The following TUBB8B variants were observed in gnomAD, a reference collection of about 807,000 sequenced individuals.
TUBB8B encodes the protein tubulin beta 8B, also known as HSA18p11 beta-tubulin 4Q pseudogene.
A neutral mutation model predicts 31.9 loss-of-function variants in TUBB8B; 26 were observed. The observed-to-expected ratio is 0.81, with a 90% CI of 0.60 to 1.13. TUBB8B has a LOEUF of 1.13. TUBB8B is among the 50% of genes most tolerant of loss of function. TUBB8B has a pLI of 0.00. For synonymous variants in TUBB8B, 173 were observed against 231.0 expected (o/e 0.75, Z 2.28); for missense variants, 467 against 586.7 (o/e 0.80, Z 2.11).
At chr18:49,330 G>T in intron 1 of TUBB8B, 93 bp from the exon 2 acceptor site, 1 of 1,130,598 alleles carries the variant, frequency 8.8e-7, no homozygotes, top group Non-Finnish European at 1.3e-6. Flanking sequence ...CCATCCCTAG[G>T]CCGCCCTGTC....
upstream of TUBB8B, chr18:50,506 A>C (rs1906045724): frequency 6.5e-6 from 1 of 152,906 alleles, no homozygotes; most frequent in African/African-American, 2.4e-5. Context: ...CACAGAGCTC[A>C]CAGGGCTGAG....
Position 47,771 on chromosome 18 carries a change from C to G in TUBB8B, c.954G>C (p.Arg318Ser). ...CCACCTCCCTCATGGGCATGCGACCCCTGAAAATGGCAGCCACCGTTAGGT... is the reference window on the plus strand; with the variant it reads ...CCACCTCCCTCATGGGCATGCGACCGCTGAAAATGGCAGCCACCGTTAGGT... ...GCYLTVAAIF[R>S]GRMPMREVDE... is the part of the protein sequence containing the mutation. Residue 318 changes from arginine (R) to serine (S), a missense_variant, in exon 4 of 4, where the codon AGG becomes AGC. Transcript: ENST00000308911. The G allele has an allele frequency of 6.2e-7, 1 of 1,611,574 alleles. No individual in the cohort carries two copies.
the TUBB8B span, among the ~76,000 whole-genome samples, chr18:72,177 C>CAAA: frequency 1.8e-4 from 14 of 78,728 alleles, no homozygotes; most frequent in East Asian, 3.9e-3. Context: ...GACTCCATCT[C>CAAA]AAAAAAAAAA....
At chr18:68,004 C>G in the TUBB8B span, among the ~76,000 whole-genome samples, 1 of 152,180 alleles carries the variant, frequency 6.6e-6, no homozygotes, top group Non-Finnish European at 1.5e-5. Context: ...TCACGTGACA[C>G]CCTCAATACT....
At chr18:61,602 G>C in the TUBB8B span, among the ~76,000 whole-genome samples, 1 of 149,906 alleles carries the variant, frequency 6.7e-6, no homozygotes, top group East Asian at 1.9e-4. Flanking sequence ...TTTACTTTTT[G>C]TACATCTGTG....
chr18:49,030 C>G lies in TUBB8B; in HGVS notation c.187G>C (p.Ala63Pro). 1.9e-6 allele frequency: 3 copies of G among 1,607,676 alleles called. No homozygotes were observed. Among genetic ancestry groups the G allele is most frequent in the Non-Finnish European group, 1.7e-6 (2 of 1,177,014 alleles). ...CCCGGCTCCAGATCCACGAGCACAGCGCGGGGCACGTACCTGCCACCTGCG... is the reference window on the plus strand; with the variant it reads ...CCCGGCTCCAGATCCACGAGCACAGGGCGGGGCACGTACCTGCCACCTGCG... The part of the protein sequence containing the change: ...EASGGRYVPR[A>P]VLVDLEPGTM... Residue 63 changes from alanine to proline, a missense_variant, in exon 3 of 4, where the codon GCT becomes CCT. By Grantham distance (27) the Ala-to-Pro change is conservative (BLOSUM62 -1). Transcript: ENST00000308911.
the TUBB8B span, among the ~76,000 whole-genome samples, chr18:71,206 G>A: frequency 2.7e-5 from 4 of 150,826 alleles, no homozygotes; most frequent in Non-Finnish European, 4.4e-5. Context: ...ACTCCAGCCT[G>A]GGTGACAGAG....
the TUBB8B span, among the ~76,000 whole-genome samples, chr18:66,703 G>A: frequency 1.3e-5 from 2 of 152,002 alleles, no homozygotes; most frequent in Non-Finnish European, 2.9e-5. Context: ...TGGGAAATGT[G>A]AGCCTGAGTT....
At chr18:53,738 G>C (rs914642082), upstream of TUBB8B, among the ~76,000 whole-genome samples, 9 of 151,796 alleles carry the variant, frequency 5.9e-5, 1 homozygote, top group Non-Finnish European at 1.3e-4. Flanking sequence ...CAAATTGTTG[G>C]GATTACAAGC....
At chr18:63,800 C>A in the TUBB8B span, among the ~76,000 whole-genome samples, 2 of 149,098 alleles carry the variant, frequency 1.3e-5, no homozygotes, top group Non-Finnish European at 3.0e-5. Flanking sequence ...AACCGTTACG[C>A]TAACCCTAAC....
At chr18:66,403 T>C in the TUBB8B span, among the ~76,000 whole-genome samples, 1 of 151,896 alleles carries the variant, frequency 6.6e-6, no homozygotes, top group Non-Finnish European at 1.5e-5. Flanking sequence ...AATCAAAAAA[T>C]TAGCCAGATG....
chr18:57,746 T>C, the TUBB8B span, among the ~76,000 whole-genome samples: 2 of 151,954 alleles, frequency 1.3e-5, no homozygotes, highest in African/African-American at 2.4e-5. Context: ...ATTGTTTTAG[T>C]AGAGGTTCTC....
At chr18:72,379 CAACT>C in the TUBB8B span, among the ~76,000 whole-genome samples, 1 of 152,054 alleles carries the variant, frequency 6.6e-6, no homozygotes, top group Non-Finnish European at 1.5e-5. Context: ...TAATACATTT[CAACT>C]AACTTAGGAT....
chr18:72,398 AT>A, the TUBB8B span, among the ~76,000 whole-genome samples: 1 of 152,220 alleles, frequency 6.6e-6, no homozygotes, highest in Non-Finnish European at 1.5e-5. Context: ...TAGGATGAGA[AT>A]GTTTATAAAA....
At chr18:56,517 T>C in the TUBB8B span, among the ~76,000 whole-genome samples, 1 of 152,002 alleles carries the variant, frequency 6.6e-6, no homozygotes, top group South Asian at 2.1e-4. Context: ...TTTTACATTT[T>C]TAATTGTTGA....
At chr18:49,868 T>G, upstream of TUBB8B, 1 of 541,106 alleles carries the variant, frequency 1.8e-6, no homozygotes. Context: ...GAGCTGAAAC[T>G]GAATTTTCCT....
At chr18:54,872 A>G in the TUBB8B span, among the ~76,000 whole-genome samples, 1 of 151,964 alleles carries the variant, frequency 6.6e-6, no homozygotes, top group East Asian at 1.9e-4. Context: ...ACTGAGGTGA[A>G]ATGATATCTC....
chr18:53,139 C>T (rs1417670779), upstream of TUBB8B, among the ~76,000 whole-genome samples: 1 of 151,782 alleles, frequency 6.6e-6, no homozygotes, highest in Non-Finnish European at 1.5e-5. Context: ...AGGTATTAAC[C>T]TTCTAGATGC....
At chr18:66,403 T>A in the TUBB8B span, among the ~76,000 whole-genome samples, 1 of 151,896 alleles carries the variant, frequency 6.6e-6, no homozygotes, top group Admixed American at 6.6e-5. Context: ...AATCAAAAAA[T>A]TAGCCAGATG....
Sources: gnomAD v4.1 joint callset for allele counts (sites outside exome capture counted in the v4.1 genomes callset) on GRCh38, gnomAD v4.1.1 for gene constraint, MANE v1.5 for transcripts, NCBI Gene and HGNC (gene_info 2026-07-23, HGNC 2026-07-21) for gene names.